IER3IP1: variants seen among roughly 807,000 people sequenced by gnomAD.
The protein encoded by IER3IP1 is immediate early response 3-interacting protein 1.
IER3IP1 carries 16 observed loss-of-function variants against 12.2 expected under a neutral mutation model. That is an observed-to-expected ratio of 1.31 (90% CI 0.89 to 1.99). The LOEUF (loss-of-function observed/expected upper bound fraction) is 1.99. IER3IP1 is among the 30% of genes most tolerant of loss of function. The pLI is 0.00. For synonymous variants in IER3IP1, 42 were observed against 40.0 expected (o/e 1.05, Z -0.19); for missense variants, 95 against 95.8 (o/e 0.99, Z 0.03).
Position 47,153,684 on chromosome 18 carries a change from G to C in IER3IP1, c.*2493C>G, listed in dbSNP as rs1265131281. On this transcript the variant is annotated 3_prime_UTR_variant, in exon 3 of 3. Transcript: ENST00000256433. Reference sequence around the variant, plus strand: ...CCTACATTAGTTTGTTAAGGATGATGGCTTCCAGCTCCATCCATGTTCCCA... The same window carrying C: ...CCTACATTAGTTTGTTAAGGATGATCGCTTCCAGCTCCATCCATGTTCCCA... 6.6e-6 allele frequency: 1 copy of C among 152,042 alleles called. No individual in the cohort carries two copies. The highest frequency in any genetic ancestry group is 1.5e-5 in the Non-Finnish European group (1 of 68,034). 9.4% of individuals were successfully genotyped at this position (152,042 alleles called of 1,614,324 possible). A position where few individuals can be genotyped will look rare whatever the true frequency, so the allele number is the denominator to read the frequency against.
At chr18:47,157,254 GAAGT>G (rs2063963900) in intron 2 of IER3IP1, 178 bp downstream of exon 2, 6 of 602,866 alleles carry the variant, frequency 1.0e-5, no homozygotes, top group African/African-American at 2.0e-5. Flanking sequence ...GGCTTAGATA[GAAGT>G]AAGAAGCAAA....
At chr18:47,169,612 A>ATTATT (rs200983903) in intron 1 of IER3IP1, among the ~76,000 whole-genome samples, 7,891 of 151,498 alleles carry the variant, frequency 0.052, 249 homozygotes, top group East Asian at 0.091. Flanking sequence ...TATTATATTT[A>ATTATT]TTATTTATTA....
rs542389963 is a variant in IER3IP1, at chr18:47,164,150, T to C, written c.92-6613A>G. On this transcript the variant is annotated intron_variant, in intron 1 of 2. Coordinates refer to ENST00000256433, the MANE Select transcript of IER3IP1 (RefSeq NM_016097.5). Reference sequence around the variant, plus strand: ...GACTCCCAGAAAAAAAAAATTGCTCTTCAACAAAACAAGATAAAACTCTAC... The same window carrying C: ...GACTCCCAGAAAAAAAAAATTGCTCCTCAACAAAACAAGATAAAACTCTAC... Among the ~76,000 whole-genome samples the C allele has an allele frequency of 4.3e-3, 661 of 152,184 alleles. 2 individuals carry two copies. Among genetic ancestry groups the C allele is most frequent in the Non-Finnish European group, 7.2e-3 (487 of 68,010 alleles).
At chr18:47,176,108 C>T (rs1568075626) in intron 1 of IER3IP1, 79 bp downstream of exon 1, 1 of 1,148,042 alleles carries the variant, frequency 8.7e-7, no homozygotes, top group Non-Finnish European at 1.3e-6. Flanking sequence ...CCTTGGTGTC[C>T]CCTCACGCGG....
rs956158599 is a variant in IER3IP1 at position 47,155,714 on chromosome 18, C to T, written c.*463G>A. ...CTTAAAATAAAATTATTCAAATTACCTATTTATCATTTTATGTGCAGTAAT... is the reference window on the plus strand; with the variant it reads ...CTTAAAATAAAATTATTCAAATTACTTATTTATCATTTTATGTGCAGTAAT... On this transcript the variant is annotated 3_prime_UTR_variant, in exon 3 of 3. Transcript: ENST00000256433. 2 of 152,510 alleles carry T rather than the reference C, an allele frequency of 1.3e-5. No individual in the cohort carries two copies. Among genetic ancestry groups the T allele is most frequent in the Non-Finnish European group, 2.9e-5 (2 of 68,300 alleles). The allele number at this position is 152,510 out of a possible 1,614,324, so 9.4% of individuals were successfully genotyped here. A position where few individuals can be genotyped will look rare whatever the true frequency, so the allele number is the denominator to read the frequency against.
At position 47,152,981 on chromosome 18, in the gene IER3IP1, G is replaced by A. The variant is rs2063945675; in HGVS notation, c.*3196C>T. 6.6e-6 allele frequency: 1 copy of A among 152,116 alleles called. No individual in the cohort carries two copies. Among genetic ancestry groups the A allele is most frequent in the Non-Finnish European group, 1.5e-5 (1 of 68,016 alleles). The allele number at this position is 152,116 out of a possible 1,614,324, so 9.4% of individuals were successfully genotyped here. A position where few individuals can be genotyped will look rare whatever the true frequency, so the allele number is the denominator to read the frequency against. ...AGGTTATTGACCAATTTTACAGATA[G>A]GACAACCAAAAACTACTGAGGTCTT... On this transcript the variant is annotated 3_prime_UTR_variant, in exon 3 of 3. Coordinates refer to ENST00000256433, the MANE Select transcript of IER3IP1 (RefSeq NM_016097.5).
At chr18:47,174,176 T>C (rs888380527) in intron 1 of IER3IP1, among the ~76,000 whole-genome samples, 3 of 152,210 alleles carry the variant, frequency 2.0e-5, no homozygotes, top group Non-Finnish European at 2.9e-5. Context: ...AAGATGACAT[T>C]TGAATCCTAG....
At chr18:47,168,043 T>C (rs2064001681) in intron 1 of IER3IP1, among the ~76,000 whole-genome samples, 1 of 145,184 alleles carries the variant, frequency 6.9e-6, no homozygotes, top group Non-Finnish European at 1.5e-5. Flanking sequence ...GAAGAATCAC[T>C]TGAACCTGGG....
intron 1 of IER3IP1, among the ~76,000 whole-genome samples, chr18:47,160,812 A>G (rs188760805): frequency 2.6e-4 from 40 of 152,288 alleles, no homozygotes; most frequent in South Asian, 6.2e-4. Context: ...CCAGGAGGAC[A>G]TATCTTTTTT....
In IER3IP1 at chr18:47,157,573, T is replaced by C. The variant is rs911968049; in HGVS notation, c.92-36A>G. 19 of 1,564,658 alleles carry C rather than the reference T, an allele frequency of 1.2e-5. No homozygotes were observed. The South Asian group carries it at 2.1e-4, about 17-fold the overall frequency. On this transcript the variant is annotated intron_variant, in intron 1 of 2. Coordinates refer to ENST00000256433, the MANE Select transcript of IER3IP1 (RefSeq NM_016097.5). Reference sequence around the variant, plus strand: ...TAAAGATTAGCTGTGTTAAAAGTTATTACACACTTGCCTTCCTCCCTGTCA... The same window carrying C: ...TAAAGATTAGCTGTGTTAAAAGTTACTACACACTTGCCTTCCTCCCTGTCA...
chr18:47,159,518 T>G (rs2063972812), intron 1 of IER3IP1, among the ~76,000 whole-genome samples: 1 of 152,236 alleles, frequency 6.6e-6, no homozygotes, highest in South Asian at 2.1e-4. Flanking sequence ...TCTACACAGT[T>G]TATACCTCCA....
chr18:47,173,301 A>T (rs2064020977), intron 1 of IER3IP1, among the ~76,000 whole-genome samples: 1 of 152,158 alleles, frequency 6.6e-6, no homozygotes, highest in Non-Finnish European at 1.5e-5. Flanking sequence ...CTTTGACTTC[A>T]TCCACTCTTA....
chr18:47,160,025 G>A (rs1464250252), intron 1 of IER3IP1, among the ~76,000 whole-genome samples: 1 of 151,930 alleles, frequency 6.6e-6, no homozygotes, highest in Non-Finnish European at 1.5e-5. Flanking sequence ...GAGAAACCCC[G>A]TCTCTACTAA....
chr18:47,167,551 G>C (rs943034035), intron 1 of IER3IP1, among the ~76,000 whole-genome samples: 1 of 152,166 alleles, frequency 6.6e-6, no homozygotes, highest in East Asian at 1.9e-4. Flanking sequence ...TGGAACAATG[G>C]CTTTAAATAC....
intron 1 of IER3IP1, among the ~76,000 whole-genome samples, chr18:47,164,006 G>A (rs943705083): frequency 6.6e-6 from 1 of 151,990 alleles, no homozygotes; most frequent in African/African-American, 2.4e-5. Context: ...TTTGTCTTAA[G>A]TACTATATGG....
rs188508355 is a variant in IER3IP1, at chr18:47,158,159, G to A, written c.92-622C>T. Among the ~76,000 whole-genome samples the A allele has an allele frequency of 2.1e-3, 327 of 152,154 alleles. 1 individual carries two copies. The highest frequency in any genetic ancestry group is 7.6e-3 in the African/African-American group (315 of 41,528). On this transcript the variant is annotated intron_variant, in intron 1 of 2. Transcript: ENST00000256433. ...CAAGAAATATCAAAATCTCAAAAAC[G>A]TAATTCTAGGAAGAATACTTTTTTA...
chr18:47,158,740 C>T (rs995787087), intron 1 of IER3IP1, among the ~76,000 whole-genome samples: 4 of 151,774 alleles, frequency 2.6e-5, no homozygotes, highest in Admixed American at 2.0e-4. Flanking sequence ...GCTGGTGGAT[C>T]GCCTGAGCCC....
rs563765759 is a variant in IER3IP1 at position 47,158,222 on chromosome 18, G to T, written c.92-685C>A. On this transcript the variant is annotated intron_variant, in intron 1 of 2. Coordinates refer to ENST00000256433, the MANE Select transcript of IER3IP1 (RefSeq NM_016097.5). ...AAAATTACCATAATATAGAGACAGG[G>T]TCTCACTTTGCTGCCTAGGCTAATA... Among the ~76,000 whole-genome samples, 3 of 152,256 alleles carry T rather than the reference G, an allele frequency of 2.0e-5. No homozygotes were observed. In the South Asian group the frequency reaches 6.2e-4, roughly 32 times the overall value.
At chr18:47,175,104 C>T (rs1456543021) in intron 1 of IER3IP1, among the ~76,000 whole-genome samples, 2 of 152,172 alleles carry the variant, frequency 1.3e-5, no homozygotes, top group African/African-American at 4.8e-5. Flanking sequence ...ATACTTTGCA[C>T]TCAATAAATA....
Sources: allele counts gnomAD v4.1 joint callset (sites outside exome capture counted in the v4.1 genomes callset), GRCh38; gene constraint gnomAD v4.1.1; transcripts MANE v1.5; gene names NCBI Gene and HGNC (gene_info 2026-07-23, HGNC 2026-07-21).